ACAN: variants seen among roughly 807,000 people sequenced by gnomAD.
ACAN encodes aggrecan core protein.
ACAN carries 47 observed loss-of-function variants against 169.1 expected under a neutral mutation model. The ratio of observed to expected loss-of-function variants is 0.28; its 90% CI spans 0.22 to 0.35. The LOEUF (loss-of-function observed/expected upper bound fraction) is 0.35. ACAN is among the 10% of genes least tolerant of loss of function. The pLI is 1.00. For missense variants in ACAN, 2,716 were observed against 2,759.9 expected (o/e 0.98, Z 0.36); for synonymous variants, 1,115 against 1,112.2 (o/e 1.00, Z -0.05).
intron 1 of ACAN, among the ~76,000 whole-genome samples, chr15:88,832,049 A>C (rs1896377756): frequency 6.6e-6 from 1 of 152,158 alleles, no homozygotes; most frequent in Non-Finnish European, 1.5e-5. Flanking sequence ...TCTTGAGTAC[A>C]ATTGGAGCTG....
At chr15:88,830,540 C>G (rs988880530) in intron 1 of ACAN, among the ~76,000 whole-genome samples, 1 of 151,648 alleles carries the variant, frequency 6.6e-6, no homozygotes. Flanking sequence ...TTTTACTGTA[C>G]CTTTTGTATG....
Position 88,873,781 on chromosome 15 carries a change from C to T in ACAN, c.7448-61C>T, listed in dbSNP as rs1398458017. 7.7e-6 allele frequency: 12 copies of T among 1,558,526 alleles called. No individual in the cohort carries two copies. Among genetic ancestry groups the T allele is most frequent in the African/African-American group, 1.4e-5 (1 of 73,976 alleles). On this transcript the variant is annotated intron_variant, in intron 17 of 18. Coordinates refer to ENST00000560601, the MANE Select transcript of ACAN (RefSeq NM_001369268.1). The surrounding 1 kb of genome is among the most constrained non-coding windows in gnomAD (Gnocchi z 7.5). ...TCCCCCACAGTGCCTCGGGTCACAACCAGCATAGGTCATCCCAGGAGACCC... is the reference window on the plus strand; with the variant it reads ...TCCCCCACAGTGCCTCGGGTCACAATCAGCATAGGTCATCCCAGGAGACCC...
chr15:88,846,949 A>T (rs1296964386), intron 7 of ACAN, among the ~76,000 whole-genome samples: 1 of 152,202 alleles, frequency 6.6e-6, no homozygotes, highest in African/African-American at 2.4e-5. Context: ...TGAAAATGGG[A>T]TGTCAGGTAG....
rs538894474 is a variant in ACAN, at chr15:88,874,065, A to T, written c.7630+41A>T. ...GCCATCTCGCTGAGCACAGGGTTAG[A>T]TTCTGCCAGCACAGCCTTCCCCCCG... On this transcript the variant is annotated intron_variant, in intron 18 of 18. Transcript: ENST00000560601. This position sits in a 1 kb window ranked among gnomAD's most constrained non-coding sequence, Gnocchi z 7.3. 4 of 1,600,716 alleles carry T rather than the reference A, an allele frequency of 2.5e-6. No homozygotes were observed. The highest frequency in any genetic ancestry group is 4.5e-5 in the East Asian group (2 of 44,820).
intron 1 of ACAN, among the ~76,000 whole-genome samples, chr15:88,826,372 T>C (rs994306542): frequency 7.0e-5 from 10 of 143,790 alleles, no homozygotes; most frequent in African/African-American, 2.6e-4. Flanking sequence ...GGCCTTTTTT[T>C]TCTTTTTTTT....
At chr15:88,822,870 A>C (rs1171203400) in intron 1 of ACAN, among the ~76,000 whole-genome samples, 2 of 152,116 alleles carry the variant, frequency 1.3e-5, no homozygotes, top group Non-Finnish European at 2.9e-5. Context: ...CAAGGACTAA[A>C]CTCCAAGAAC....
At chr15:88,852,970 G>A (rs1896963880) in intron 11 of ACAN, among the ~76,000 whole-genome samples, 2 of 152,218 alleles carry the variant, frequency 1.3e-5, no homozygotes, top group Non-Finnish European at 2.9e-5. Flanking sequence ...ATTTGGTGGT[G>A]TCAGGTGCTC....
In ACAN at chr15:88,857,180, A is replaced by G. The variant is rs982889272; in HGVS notation, c.4595A>G (p.Glu1532Gly). ...GACCTCAGCAGGCTCCCTTCTGGAGAAGAAGTTCTAGAGATTTCTGCCTCT... is the reference window on the plus strand; with the variant it reads ...GACCTCAGCAGGCTCCCTTCTGGAGGAGAAGTTCTAGAGATTTCTGCCTCT... ...VEDLSRLPSGEEVLEISASGF... is the reference protein window; with the variant it reads ...VEDLSRLPSGGEVLEISASGF... Residue 1532 changes from glutamate to glycine, a missense_variant, in exon 12 of 19, where the codon GAA (glutamate) becomes GGA (glycine). By Grantham distance (98) the Glu-to-Gly change is moderately conservative (BLOSUM62 -2). Transcript: ENST00000560601. 4 of 1,610,222 alleles carry G rather than the reference A, an allele frequency of 2.5e-6. No homozygotes were observed. The African/African-American group carries it at 4.1e-5, about 16-fold the overall frequency.
intron 13 of ACAN, among the ~76,000 whole-genome samples, chr15:88,862,997 CAAA>C (rs57598410): frequency 6.8e-5 from 5 of 73,800 alleles, no homozygotes; most frequent in African/African-American, 8.9e-5. Context: ...CACTCGGTCT[CAAA>C]AAAAAAAAAA....
At position 88,839,974 on chromosome 15, in the gene ACAN, C is replaced by T; in HGVS notation, c.455-38C>T. On this transcript the variant is annotated intron_variant, in intron 3 of 18. Transcript: ENST00000560601. The surrounding 1 kb of genome is among the most constrained non-coding windows in gnomAD (Gnocchi z 4.5). The stretch of plus-strand genomic sequence containing the variant: ...CTCGGTGATCAGAGACTGTGCCTGA[C>T]CAGCTCTTCCGCTTGTGGGCGTGTA... 2.5e-6 allele frequency: 4 copies of T among 1,570,390 alleles called. No homozygotes were observed. The highest frequency in any genetic ancestry group is 1.7e-4 in the Middle Eastern group (1 of 6,014).
chr15:88,840,873 A>ATG, intron 4 of ACAN, among the ~76,000 whole-genome samples: 1 of 152,118 alleles, frequency 6.6e-6, no homozygotes, highest in Non-Finnish European at 1.5e-5. Flanking sequence ...AGCCGGGCGC[A>ATG]GTGGCTCATG....
rs372895171 is a variant in ACAN, at chr15:88,843,510, C to G, written c.913C>G (p.Arg305Gly). ...GTGCAGCGCCGGCTGGCTGGCCGAC[C>G]GCAGCGTGCGCTACCCCATCTCCAA... ...DMCSAGWLAD[R>G]SVRYPISKAR... Residue 305 changes from arginine (R) to glycine (G), a missense_variant, in exon 6 of 19, where the codon CGC becomes GGC. Physicochemically the swap from Arg to Gly is moderately radical, Grantham distance 125. Transcript: ENST00000560601. This position sits in a 1 kb window ranked among gnomAD's most constrained non-coding sequence, Gnocchi z 4.0. The G allele has an allele frequency of 1.2e-6, 2 of 1,612,440 alleles. No homozygotes were observed. The highest frequency in any genetic ancestry group is 1.7e-6 in the Non-Finnish European group (2 of 1,179,598).
intron 7 of ACAN, 66 bp downstream of exon 7, chr15:88,845,948 T>C: frequency 7.0e-7 from 1 of 1,423,852 alleles, no homozygotes; most frequent in Non-Finnish European, 9.2e-7. Context: ...GGGAAGGGAT[T>C]CCCGCAGTTG....
rs1896712425 is a variant in ACAN, at chr15:88,843,345, T to C, written c.758-10T>C. 6.4e-7 allele frequency: 1 copy of C among 1,556,560 alleles called. No homozygotes were observed. Among genetic ancestry groups the C allele is most frequent in the African/African-American group, 1.4e-5 (1 of 73,730 alleles). On this transcript the variant is annotated splice_polypyrimidine_tract_variant and intron_variant, in intron 5 of 18. Transcript: ENST00000560601. The surrounding 1 kb of genome is among the most constrained non-coding windows in gnomAD (Gnocchi z 4.0). ...GAAGACCCTTACCCAGCTGGCTGTG[T>C]CCTTCACAGGTGAGGTCTTTTATGC...
intron 1 of ACAN, among the ~76,000 whole-genome samples, chr15:88,828,818 C>T (rs771613858): frequency 6.6e-5 from 10 of 152,192 alleles, no homozygotes; most frequent in Non-Finnish European, 1.5e-4. Flanking sequence ...ATCCGAGGCT[C>T]CGGGTCAGGC....
chr15:88,873,979 C>G lies in ACAN; in HGVS notation c.7585C>G (p.Gln2529Glu). 1 of 1,613,062 alleles carries G rather than the reference C, an allele frequency of 6.2e-7. No homozygotes were observed. Among genetic ancestry groups the G allele is most frequent in the Non-Finnish European group, 8.5e-7 (1 of 1,179,850 alleles). ...GCGCCACATGCCCACCATCCGGTGC[C>G]AGCCCAGCGGGCACTGGGAGGAGCC... Reference protein sequence around the residue: ...VQRHMPTIRCQPSGHWEEPQI... With the variant: ...VQRHMPTIRCEPSGHWEEPQI... Residue 2529 changes from glutamine to glutamate, a missense_variant, in exon 18 of 19, where the codon CAG becomes GAG. Physicochemically the swap from Gln to Glu is conservative, Grantham distance 29. Around this residue, in one of 3 missense-constraint regions of ACAN, gnomAD observed 1,389 missense variants for 1,363.7 expected, o/e 1.02. Transcript: ENST00000560601. This position sits in a 1 kb window ranked among gnomAD's most constrained non-coding sequence, Gnocchi z 7.5.
At chr15:88,809,746 C>A (rs763454271) in intron 1 of ACAN, among the ~76,000 whole-genome samples, 1 of 151,994 alleles carries the variant, frequency 6.6e-6, no homozygotes, top group Admixed American at 6.5e-5. Flanking sequence ...GCAGCTGCAC[C>A]GTGACAGCCC....
chr15:88,847,489 C>T (rs970037596), intron 8 of ACAN, 72 bp downstream of exon 8: 45 of 1,442,204 alleles, frequency 3.1e-5, no homozygotes, highest in Middle Eastern at 2.0e-4. Context: ...AGCCTGACAC[C>T]GCCCCCAGCA....
intron 6 of ACAN, among the ~76,000 whole-genome samples, chr15:88,844,545 T>G (rs1469040026): frequency 6.6e-6 from 1 of 152,116 alleles, no homozygotes; most frequent in Non-Finnish European, 1.5e-5. Context: ...CAGCTAATTT[T>G]GTATTTTTAG....
Sources: allele counts gnomAD v4.1 joint callset (sites outside exome capture counted in the v4.1 genomes callset), GRCh38; gene constraint gnomAD v4.1.1; regional missense constraint gnomAD v4.1.1; non-coding constraint Gnocchi (gnomAD v3.1); transcripts MANE v1.5; gene names NCBI Gene and HGNC (gene_info 2026-07-23, HGNC 2026-07-21).